The following HDLBP variants were observed in gnomAD, a reference collection of about 807,000 sequenced individuals.
HDLBP encodes high density lipoprotein binding protein.
In HDLBP, 30 loss-of-function variants were observed where a neutral mutation model predicts 137.3. The ratio of observed to expected loss-of-function variants is 0.22; its 90% CI spans 0.16 to 0.30. The LOEUF (loss-of-function observed/expected upper bound fraction) is 0.30. Ranked by LOEUF, HDLBP falls within the 10% of genes least tolerant of loss-of-function variation. The probability of loss-of-function intolerance (pLI) is 1.00; values close to 1 mark genes in which losing one functional copy is unlikely to be tolerated. For missense variants in HDLBP, 1,119 were observed against 1,667.3 expected, an observed-to-expected ratio of 0.67 and a Z score of 5.73; for synonymous variants, 606 against 596.0, an observed-to-expected ratio of 1.02 and a Z score of -0.24.
In HDLBP at chr2:241,272,676, G is replaced by GCCACCCC; in HGVS notation, c.-102-4142_-102-4136dup. 3 of 815,586 alleles carry GCCACCCC rather than the reference G, an allele frequency of 3.7e-6. No homozygotes were observed. Among genetic ancestry groups the GCCACCCC allele is most frequent in the African/African-American group, 4.2e-5 (2 of 47,966 alleles). 50.5% of individuals were successfully genotyped at this position (815,586 alleles called of 1,614,324 possible). On this transcript the variant is annotated intron_variant, in intron 1 of 27. Transcript: ENST00000310931. This position sits in a 1 kb window ranked among gnomAD's most constrained non-coding sequence, Gnocchi z 5.6. ...CCCCTCCGCGGCCTCCACGTCAGCA[G>GCCACCCC]CCACCCCCCACCCCCCCGCCCGGCA...
chr2:241,236,279 G>A (rs191926517), intron 21 of HDLBP: 6 of 329,280 alleles, frequency 1.8e-5, no homozygotes, highest in Middle Eastern at 9.4e-4. Context: ...CCACTCACGC[G>A]GGGGGAGACG....
At chr2:241,257,422 A>G (rs550440402) in intron 5 of HDLBP, among the ~76,000 whole-genome samples, 146 of 152,290 alleles carry the variant, frequency 9.6e-4, no homozygotes, top group African/African-American at 3.3e-3. Context: ...TAGTAGAGGC[A>G]GGGTTTCACC....
At chr2:241,304,129 C>A (rs924776586) in intron 1 of HDLBP, among the ~76,000 whole-genome samples, 1 of 152,158 alleles carries the variant, frequency 6.6e-6, no homozygotes, top group Admixed American at 6.6e-5. Context: ...CCACCATGCC[C>A]GGCCAGATCA....
At chr2:241,283,150 C>G (rs972999685) in intron 1 of HDLBP, among the ~76,000 whole-genome samples, 1 of 152,190 alleles carries the variant, frequency 6.6e-6, no homozygotes, top group Non-Finnish European at 1.5e-5. Flanking sequence ...GAAGATTAAA[C>G]CAGTCTCAAA....
At chr2:241,286,707 A>C (rs1384755084) in intron 1 of HDLBP, among the ~76,000 whole-genome samples, 1 of 152,180 alleles carries the variant, frequency 6.6e-6, no homozygotes, top group African/African-American at 2.4e-5. Flanking sequence ...TAAGCTTTCT[A>C]AATTAACTGA....
At chr2:241,313,569 G>A (rs1559564406) in intron 1 of HDLBP, among the ~76,000 whole-genome samples, 1 of 152,222 alleles carries the variant, frequency 6.6e-6, no homozygotes, top group East Asian at 1.9e-4. Flanking sequence ...GTGAGCCACT[G>A]CACCTGGTCG....
In HDLBP at chr2:241,268,485, C is replaced by T. The variant is rs547073322; in HGVS notation, c.-46G>A. ...GACAGGGTCAAACTTACCAGCAAAACGGTCAGTAGCCAGAAGGTCCGTCCT... is the reference window on the plus strand; with the variant it reads ...GACAGGGTCAAACTTACCAGCAAAATGGTCAGTAGCCAGAAGGTCCGTCCT... On this transcript the variant is annotated 5_prime_UTR_variant, in exon 2 of 28. Coordinates refer to ENST00000310931, the MANE Select transcript of HDLBP (RefSeq NM_005336.6). 6.1e-6 allele frequency: 6 copies of T among 985,900 alleles called. No homozygotes were observed. The African/African-American group carries it at 7.0e-5, about 11-fold the overall frequency. 61.1% of individuals were successfully genotyped at this position (985,900 alleles called of 1,614,324 possible). A position where few individuals can be genotyped will look rare whatever the true frequency, so the allele number is the denominator to read the frequency against.
chr2:241,244,444 C>G (rs1395505406), intron 16 of HDLBP, among the ~76,000 whole-genome samples: 1 of 152,072 alleles, frequency 6.6e-6, no homozygotes, highest in African/African-American at 2.4e-5. Flanking sequence ...TAACAGCAGC[C>G]AGAGGGAGAA....
At chr2:241,314,584 T>A (rs1327737320) in intron 1 of HDLBP, among the ~76,000 whole-genome samples, 1 of 152,194 alleles carries the variant, frequency 6.6e-6, no homozygotes, top group Non-Finnish European at 1.5e-5. Flanking sequence ...CTTCAGCCGT[T>A]TAATTTCACC....
At position 241,236,732 on chromosome 2, in the gene HDLBP, G is replaced by A. The variant is rs188283563; in HGVS notation, c.2787C>T (p.Asp929=). ...TAGCCTCTCTCCCCTCCCCAGCTTCGTCCCCATTCTCCTGGACAACTGGCT... is the reference window on the plus strand; with the variant it reads ...TAGCCTCTCTCCCCTCCCCAGCTTCATCCCCATTCTCCTGGACAACTGGCT... ...STEPVVQENG[D]EAGEGREAKD... The change falls in exon 21 of 28, where the codon GAC becomes GAT. Residue 929 remains aspartate, a synonymous_variant. Transcript: ENST00000310931. The A allele has an allele frequency of 6.7e-5, 108 of 1,614,088 alleles. No individual in the cohort carries two copies. The highest frequency in any genetic ancestry group is 5.1e-4 in the East Asian group (23 of 44,882).
Position 241,273,481 on chromosome 2 carries a change from C to T in HDLBP, c.-102-4940G>A, listed in dbSNP as rs556421015. 3.2e-5 allele frequency: 19 copies of T among 591,464 alleles called. No individual in the cohort carries two copies. The East Asian group carries it at 2.4e-3, about 75-fold the overall frequency. 36.6% of individuals were successfully genotyped at this position (591,464 alleles called of 1,614,324 possible). On this transcript the variant is annotated intron_variant, in intron 1 of 27. Transcript: ENST00000310931. Reference sequence around the variant, plus strand: ...CCCACGGTGGATACGCAGGACTGGGCGGAACGGAATCCCTACTCTCGGGGT... The same window carrying T: ...CCCACGGTGGATACGCAGGACTGGGTGGAACGGAATCCCTACTCTCGGGGT...
chr2:241,299,214 T>A (rs907648990), intron 1 of HDLBP, among the ~76,000 whole-genome samples: 1 of 152,168 alleles, frequency 6.6e-6, no homozygotes, highest in Non-Finnish European at 1.5e-5. Flanking sequence ...ACTACTACTG[T>A]GATTAGAAAA....
In HDLBP at chr2:241,240,676, G is replaced by A; in HGVS notation, c.2170-554C>T. On this transcript the variant is annotated intron_variant, in intron 17 of 27. Transcript: ENST00000310931. The surrounding 1 kb of genome is among the most constrained non-coding windows in gnomAD (Gnocchi z 5.5). ...CCCAGGCTCAAGCTCAAGCTCAGAG[G>A]GACACAAGCCAACCAAGGCTACAGT... Among the ~76,000 whole-genome samples, 1 of 152,130 alleles carries A rather than the reference G, an allele frequency of 6.6e-6. No individual in the cohort carries two copies. Among genetic ancestry groups the A allele is most frequent in the East Asian group, 1.9e-4 (1 of 5,190 alleles).
In HDLBP at chr2:241,256,263, C is replaced by T. The variant is rs1019959681; in HGVS notation, c.794G>A (p.Arg265Gln). The change falls in exon 7 of 28, where the codon CGG becomes CAG. Residue 265 changes from arginine to glutamine, a missense_variant. This residue lies in a region of HDLBP where 425 missense variants were observed against 693.9 expected (regional missense o/e 0.61). Transcript: ENST00000310931. The stretch of plus-strand genomic sequence containing the variant: ...CTCTCCAGTGAAGACAATCTCTGTC[C>T]GGTTCACGCTGGGTGGGGGGATGTT... ...RINIPPPSVNRTEIVFTGEKE... is the reference protein window; with the variant it reads ...RINIPPPSVNQTEIVFTGEKE... 9.3e-6 allele frequency: 15 copies of T among 1,614,104 alleles called. No homozygotes were observed. The highest frequency in any genetic ancestry group is 3.3e-5 in the South Asian group (3 of 91,078).
rs1348292353 is a variant in HDLBP, at chr2:241,272,495, G to A, written c.-102-3954C>T. On this transcript the variant is annotated intron_variant, in intron 1 of 27. Transcript: ENST00000310931. The surrounding 1 kb of genome is among the most constrained non-coding windows in gnomAD (Gnocchi z 5.6). ...CAGCGGCGCCACCGGACTTGAGAAA[G>A]TTTGTGCGCGCCCCTCCGCGCCACG... The A allele has an allele frequency of 6.1e-6, 6 of 984,500 alleles. No homozygotes were observed. The highest frequency in any genetic ancestry group is 7.2e-6 in the Non-Finnish European group (6 of 829,626). 61.0% of individuals were successfully genotyped at this position (984,500 alleles called of 1,614,324 possible). A position where few individuals can be genotyped will look rare whatever the true frequency, so the allele number is the denominator to read the frequency against.
rs1247997297 is a variant in HDLBP at position 241,272,788 on chromosome 2, C to A, written c.-102-4247G>T. On this transcript the variant is annotated intron_variant, in intron 1 of 27. Transcript: ENST00000310931. This position sits in a 1 kb window ranked among gnomAD's most constrained non-coding sequence, Gnocchi z 5.6. ...GTGGGCCCCCGCCCGCTGGTCCTGC[C>A]GCTGGCTTACTCGCCCCCCGCGCGG... 3.5e-6 allele frequency: 1 copy of A among 285,170 alleles called. No homozygotes were observed. The highest frequency in any genetic ancestry group is 5.2e-6 in the Non-Finnish European group (1 of 191,114). The allele number at this position is 285,170 out of a possible 1,614,324, so 17.7% of individuals were successfully genotyped here. A position where few individuals can be genotyped will look rare whatever the true frequency, so the allele number is the denominator to read the frequency against.
At position 241,233,962 on chromosome 2, in the gene HDLBP, G is replaced by A. The variant is rs1354827359; in HGVS notation, c.3146C>T (p.Ala1049Val). Reference protein sequence around the residue: ...KELQAEQEDRALRSFKLSVTV... With the variant: ...KELQAEQEDRVLRSFKLSVTV... The stretch of plus-strand genomic sequence containing the variant: ...GACACTCAGCTTAAAACTCCTTAAA[G>A]CCTACAAATGAAAGGAGCAAGAATG... Residue 1049 changes from alanine to valine, a missense_variant and splice_region_variant, in exon 24 of 28, where the codon GCT (alanine) becomes GTT (valine). By Grantham distance (64) the Ala-to-Val change is moderately conservative. This residue lies in a region of HDLBP where 618 missense variants were observed against 816.7 expected (regional missense o/e 0.76). Coordinates refer to ENST00000310931, the MANE Select transcript of HDLBP (RefSeq NM_005336.6). This position sits in a 1 kb window ranked among gnomAD's most constrained non-coding sequence, Gnocchi z 4.3. The A allele has an allele frequency of 1.9e-6, 3 of 1,614,124 alleles. No homozygotes were observed. Among genetic ancestry groups the A allele is most frequent in the Non-Finnish European group, 2.5e-6 (3 of 1,179,996 alleles).
Position 241,240,491 on chromosome 2 carries a change from C to T in HDLBP, c.2170-369G>A, listed in dbSNP as rs1264823383. Among the ~76,000 whole-genome samples, 1 of 151,602 alleles carries T rather than the reference C, an allele frequency of 6.6e-6. No individual in the cohort carries two copies. ...TTGGCGGAGTGCACGTCCTGGGGAGCGTGGGGTGTGCCCAGCAGAGCAGGA... is the reference window on the plus strand; with the variant it reads ...TTGGCGGAGTGCACGTCCTGGGGAGTGTGGGGTGTGCCCAGCAGAGCAGGA... On this transcript the variant is annotated intron_variant, in intron 17 of 27. Transcript: ENST00000310931. This position sits in a 1 kb window ranked among gnomAD's most constrained non-coding sequence, Gnocchi z 5.5.
rs2071064056 is a variant in HDLBP at position 241,240,183 on chromosome 2, G to A, written c.2170-61C>T. 6.6e-7 allele frequency: 1 copy of A among 1,520,788 alleles called. No homozygotes were observed. The highest frequency in any genetic ancestry group is 1.1e-5 in the South Asian group (1 of 89,106). 94.2% of individuals were successfully genotyped at this position (1,520,788 alleles called of 1,614,324 possible). A position where few individuals can be genotyped will look rare whatever the true frequency, so the allele number is the denominator to read the frequency against. Reference sequence around the variant, plus strand: ...CACGTGCCTGGACCACAGTGAGGAAGACAAGAGGGTCTGTAGGACAGCAAG... The same window carrying A: ...CACGTGCCTGGACCACAGTGAGGAAAACAAGAGGGTCTGTAGGACAGCAAG... On this transcript the variant is annotated intron_variant, in intron 17 of 27. Transcript: ENST00000310931. The surrounding 1 kb of genome is among the most constrained non-coding windows in gnomAD (Gnocchi z 5.5).
Sources: allele counts gnomAD v4.1 joint callset (sites outside exome capture counted in the v4.1 genomes callset), GRCh38; gene constraint gnomAD v4.1.1; regional missense constraint gnomAD v4.1.1; non-coding constraint Gnocchi (gnomAD v3.1); transcripts MANE v1.5; gene names NCBI Gene and HGNC (gene_info 2026-07-23, HGNC 2026-07-21).